Variants in MAGI2 observed in about 807,000 individuals in gnomAD.
MAGI2 encodes membrane associated guanylate kinase, WW and PDZ domain containing 2.
Under a neutral mutation model 133.3 loss-of-function variants are expected in MAGI2, and 35 were observed. That is an observed-to-expected ratio of 0.26 (90% CI 0.20 to 0.35). The LOEUF (loss-of-function observed/expected upper bound fraction) is 0.35, where lower values mean the gene tolerates loss of function less well. Ranked by LOEUF, MAGI2 falls within the 10% of genes least tolerant of loss-of-function variation. MAGI2 has a pLI of 1.00. For missense variants in MAGI2, 1,636 were observed against 1,863.4 expected, an observed-to-expected ratio of 0.88 and a Z score of 2.25; for synonymous variants, 729 against 710.6, an observed-to-expected ratio of 1.03 and a Z score of -0.41.
intron 9 of MAGI2, among the ~76,000 whole-genome samples, chr7:78,297,811 A>C (rs1468576359): frequency 8.0e-6 from 1 of 125,220 alleles, no homozygotes; most frequent in African/African-American, 2.9e-5. Flanking sequence ...GGGGAATATC[A>C]CACTCTGGGG....
At chr7:78,465,682 C>A (rs956348062) in intron 6 of MAGI2, among the ~76,000 whole-genome samples, 3 of 152,130 alleles carry the variant, frequency 2.0e-5, no homozygotes, top group South Asian at 2.1e-4. Flanking sequence ...ATGAAAGAGG[C>A]TCTAAATGGG....
chr7:78,328,183 AT>A (rs999981430), intron 9 of MAGI2, among the ~76,000 whole-genome samples: 4 of 151,616 alleles, frequency 2.6e-5, no homozygotes, highest in Non-Finnish European at 4.4e-5. Context: ...GCAGGTGGTT[AT>A]TTTTTTTCCA....
chr7:79,187,488 A>G (rs1827270407), intron 1 of MAGI2, among the ~76,000 whole-genome samples: 1 of 151,806 alleles, frequency 6.6e-6, no homozygotes, highest in African/African-American at 2.4e-5. Context: ...ATGAATCACC[A>G]AGGAACTTCA....
intron 2 of MAGI2, among the ~76,000 whole-genome samples, chr7:78,808,332 C>G (rs1788755717): frequency 6.6e-6 from 1 of 152,190 alleles, no homozygotes; most frequent in African/African-American, 2.4e-5. Context: ...TCTCGGCTCA[C>G]TGCAACTTCC....
chr7:78,727,319 T>A (rs1294744755), intron 2 of MAGI2, among the ~76,000 whole-genome samples: 1 of 152,206 alleles, frequency 6.6e-6, no homozygotes, highest in Non-Finnish European at 1.5e-5. Context: ...TGTCTTATGT[T>A]GCAGCAATTA....
intron 1 of MAGI2, among the ~76,000 whole-genome samples, chr7:79,134,247 GTTA>G (rs1402478043): frequency 1.3e-5 from 2 of 152,120 alleles, no homozygotes; most frequent in Non-Finnish European, 2.9e-5. Context: ...GGAATACTCA[GTTA>G]TTAGTTGATA....
chr7:79,378,207 A>G (rs1425047708), intron 1 of MAGI2, among the ~76,000 whole-genome samples: 3 of 151,846 alleles, frequency 2.0e-5, no homozygotes, highest in Admixed American at 2.0e-4. Context: ...TGATATAATT[A>G]TCTGAAACTG....
chr7:78,159,929 G>T, intron 16 of MAGI2, 96 bp downstream of exon 16: 1 of 1,453,028 alleles, frequency 6.9e-7, no homozygotes, highest in Non-Finnish European at 9.1e-7. Flanking sequence ...CAGTATGTCC[G>T]TGACAGTCTT....
chr7:78,086,656 A>G (rs114376059), intron 20 of MAGI2, among the ~76,000 whole-genome samples: 2,970 of 145,530 alleles, frequency 0.02, 92 homozygotes, highest in African/African-American at 0.07. Context: ...TTTTTTTGAG[A>G]TAGGGTCTCA....
chr7:79,366,961 A>T (rs1230167332), intron 1 of MAGI2, among the ~76,000 whole-genome samples: 2 of 152,204 alleles, frequency 1.3e-5, no homozygotes, highest in Non-Finnish European at 2.9e-5. Context: ...GCTTCTTAGC[A>T]ACTTATAGAA....
intron 1 of MAGI2, among the ~76,000 whole-genome samples, chr7:79,287,080 G>T (rs1836066481): frequency 6.6e-6 from 1 of 152,006 alleles, no homozygotes; most frequent in Non-Finnish European, 1.5e-5. Flanking sequence ...TTTCCTATCT[G>T]TGTCCTTCAG....
intron 10 of MAGI2, chr7:78,251,652 AT>A (rs1792393803): frequency 6.6e-6 from 1 of 152,230 alleles, no homozygotes; most frequent in Admixed American, 6.5e-5. Context: ...CTAGAAATAA[AT>A]TGAACAAAAG....
rs901132130 is a variant in MAGI2, at chr7:79,256,967, CTTA to C, written c.301+196050_301+196052del. On this transcript the variant is annotated intron_variant, in intron 1 of 21. Transcript: ENST00000354212. ...GTTAGAAAGGAGTAAGTTCAAGAGACTTATTGTACAACATGGTGACTATAGTTA... is the reference window on the plus strand; with the variant it reads ...GTTAGAAAGGAGTAAGTTCAAGAGACTTGTACAACATGGTGACTATAGTTA... Among the ~76,000 whole-genome samples the C allele has an allele frequency of 4.1e-4, 62 of 152,194 alleles. 1 individual carries two copies. Among genetic ancestry groups the C allele is most frequent in the African/African-American group, 1.4e-3 (57 of 41,542 alleles).
intron 1 of MAGI2, among the ~76,000 whole-genome samples, chr7:79,178,526 A>C (rs1826321520): frequency 6.6e-6 from 1 of 151,882 alleles, no homozygotes; most frequent in Non-Finnish European, 1.5e-5. Context: ...AGCCTGACCA[A>C]TATGGTGAAA....
chr7:78,243,509 T>C (rs1791414755), intron 10 of MAGI2, among the ~76,000 whole-genome samples: 1 of 152,184 alleles, frequency 6.6e-6, no homozygotes, highest in Non-Finnish European at 1.5e-5. Flanking sequence ...TATTATGCTT[T>C]TTAAAATTTT....
chr7:78,202,241 C>T (rs776371719), intron 10 of MAGI2, among the ~76,000 whole-genome samples: 42 of 152,084 alleles, frequency 2.8e-4, no homozygotes, highest in Non-Finnish European at 5.4e-4. Context: ...TAGTTGACAA[C>T]TATTCCTATT....
At chr7:78,446,834 T>C (rs774832779) in intron 6 of MAGI2, among the ~76,000 whole-genome samples, 1 of 152,108 alleles carries the variant, frequency 6.6e-6, no homozygotes, top group African/African-American at 2.4e-5. Context: ...CTTATAAGCA[T>C]GAAACAACCA....
chr7:78,119,246 C>T (rs551784595), intron 20 of MAGI2, among the ~76,000 whole-genome samples: 78 of 152,230 alleles, frequency 5.1e-4, no homozygotes, highest in African/African-American at 1.8e-3. Context: ...TGCCATTATA[C>T]ATTTGTCCAA....
In MAGI2 at chr7:79,359,667, GAA is replaced by G. The variant is rs200017459; in HGVS notation, c.301+93351_301+93352del. 2.4e-4 allele frequency among the ~76,000 whole-genome samples: 29 copies of G among 121,676 alleles called. No individual in the cohort carries two copies. In the East Asian group the frequency reaches 7.1e-3, roughly 30 times the overall value. 79.8% of individuals were successfully genotyped at this position (121,676 alleles called of 152,430 possible). On this transcript the variant is annotated intron_variant, in intron 1 of 21. Coordinates refer to ENST00000354212, the MANE Select transcript of MAGI2 (RefSeq NM_012301.4). ...AGACCAAAAGGAAATGCTCAAGTGG[GAA>G]ACACACACACACACACACACACACA...
Sources: gnomAD v4.1 joint callset for allele counts (sites outside exome capture counted in the v4.1 genomes callset) on GRCh38, gnomAD v4.1.1 for gene constraint, MANE v1.5 for transcripts, NCBI Gene and HGNC (gene_info 2026-07-23, HGNC 2026-07-21) for gene names.